Variants in RAB2A observed in about 807,000 individuals in gnomAD.
RAB2A encodes ras-related protein Rab-2A.
Under a neutral mutation model 32.5 loss-of-function variants are expected in RAB2A, and 7 were observed. That is an observed-to-expected ratio of 0.22 (90% CI 0.12 to 0.40). The LOEUF (loss-of-function observed/expected upper bound fraction) is 0.40, where lower values mean the gene tolerates loss of function less well. RAB2A is among the 10% of genes least tolerant of loss of function. The pLI is 1.00. For synonymous variants in RAB2A, 79 were observed against 85.2 expected (o/e 0.93, Z 0.40); for missense variants, 108 against 260.7 (o/e 0.41, Z 4.03).
intron 5 of RAB2A, among the ~76,000 whole-genome samples, chr8:60,589,624 G>A (rs549371310): frequency 7.2e-5 from 11 of 152,172 alleles, no homozygotes; most frequent in African/African-American, 2.4e-4. Context: ...AAACAAAAAG[G>A]GGCCATAAAT....
chr8:60,605,673 C>T (rs1226083589), intron 6 of RAB2A, among the ~76,000 whole-genome samples: 1 of 152,118 alleles, frequency 6.6e-6, no homozygotes, highest in East Asian at 1.9e-4. Context: ...TGATGACTGC[C>T]CTGCTGGGTT....
chr8:60,607,086 A>G (rs956977627), intron 6 of RAB2A, among the ~76,000 whole-genome samples: 7 of 146,862 alleles, frequency 4.8e-5, no homozygotes, highest in African/African-American at 1.7e-4. Context: ...AGAATGCCTC[A>G]TAAGACTTTT....
chr8:60,564,019 C>T, intron 2 of RAB2A, among the ~76,000 whole-genome samples: 1 of 152,208 alleles, frequency 6.6e-6, no homozygotes, highest in South Asian at 2.1e-4. Context: ...TAACTAGTCT[C>T]ATTTTAATTT....
chr8:60,568,781 G>A (rs1005629336), intron 2 of RAB2A, among the ~76,000 whole-genome samples: 9 of 152,140 alleles, frequency 5.9e-5, no homozygotes, highest in African/African-American at 2.2e-4. Flanking sequence ...TCTTGACTTT[G>A]ACTCCACAGA....
chr8:60,582,687 A>G (rs1803782088), intron 3 of RAB2A, among the ~76,000 whole-genome samples: 1 of 151,848 alleles, frequency 6.6e-6, no homozygotes, highest in Admixed American at 6.5e-5. Flanking sequence ...TAATTTTTAT[A>G]TTTTTGGTAG....
chr8:60,548,591 A>G (rs866342742), intron 1 of RAB2A, among the ~76,000 whole-genome samples: 235 of 99,268 alleles, frequency 2.4e-3, no homozygotes, highest in South Asian at 3.6e-3. Context: ...AGGGGCGGCC[A>G]GGCAGAGGCG....
At chr8:60,554,187 A>G (rs1807900136) in intron 1 of RAB2A, among the ~76,000 whole-genome samples, 1 of 152,198 alleles carries the variant, frequency 6.6e-6, no homozygotes. Context: ...GTGGTTTACA[A>G]AATAGGTTAG....
intron 2 of RAB2A, among the ~76,000 whole-genome samples, chr8:60,565,865 C>T (rs1362460433): frequency 1.3e-5 from 2 of 151,878 alleles, no homozygotes; most frequent in African/African-American, 2.4e-5. Context: ...CACGTGCCAC[C>T]ACACCCGGAT....
intron 6 of RAB2A, among the ~76,000 whole-genome samples, chr8:60,598,937 C>CAAAAAAA (rs56406651): frequency 0.019 from 774 of 40,464 alleles, 69 homozygotes; most frequent in Non-Finnish European, 0.024. Context: ...TGCAGTAAAG[C>CAAAAAAA]AAAAAAAAAA....
chr8:60,599,060 C>CA (rs1035575404), intron 6 of RAB2A, among the ~76,000 whole-genome samples: 3 of 142,730 alleles, frequency 2.1e-5, no homozygotes, highest in Admixed American at 7.2e-5. Context: ...GGATTTGCAA[C>CA]AAAAAAAAGT....
At position 60,547,632 on chromosome 8, in the gene RAB2A, G is replaced by C. The variant is rs1484389238; in HGVS notation, c.47-11220G>C. On this transcript the variant is annotated intron_variant, in intron 1 of 7. Transcript: ENST00000262646. ...AGAGGCGCCCCTCACCTCCCGGACG[G>C]GGCGGCTGGCCAGGCGGGGGGCTGA... Among the ~76,000 whole-genome samples the C allele has an allele frequency of 4.1e-5, 5 of 123,184 alleles. No individual in the cohort carries two copies. In the Admixed American group the frequency reaches 4.1e-4, roughly 10 times the overall value. 80.8% of individuals were successfully genotyped at this position (123,184 alleles called of 152,430 possible). A position where few individuals can be genotyped will look rare whatever the true frequency, so the allele number is the denominator to read the frequency against.
chr8:60,521,100 C>G (rs1309163510), intron 1 of RAB2A, among the ~76,000 whole-genome samples: 1 of 152,228 alleles, frequency 6.6e-6, no homozygotes, highest in African/African-American at 2.4e-5. Flanking sequence ...CAAGCACAAG[C>G]CACAGCTCTC....
intron 5 of RAB2A, among the ~76,000 whole-genome samples, 187 bp downstream of exon 5, chr8:60,585,002 T>A (rs563388201): frequency 1.3e-5 from 2 of 152,298 alleles, no homozygotes; most frequent in East Asian, 3.9e-4. Context: ...AAATTATTAC[T>A]GTTATTATTA....
chr8:60,568,574 G>A (rs1463249346), intron 2 of RAB2A, among the ~76,000 whole-genome samples: 1 of 152,054 alleles, frequency 6.6e-6, no homozygotes, highest in African/African-American at 2.4e-5. Flanking sequence ...GACAAAGAAG[G>A]GGCTTAATAA....
At chr8:60,577,807 T>C (rs1429112695) in intron 3 of RAB2A, among the ~76,000 whole-genome samples, 1 of 144,282 alleles carries the variant, frequency 6.9e-6, no homozygotes, top group African/African-American at 2.6e-5. Context: ...TTTTTTTTTT[T>C]TTTTTTTTGG....
chr8:60,536,527 T>G (rs1222063854), intron 1 of RAB2A, among the ~76,000 whole-genome samples: 2 of 152,232 alleles, frequency 1.3e-5, no homozygotes, highest in Non-Finnish European at 2.9e-5. Context: ...TATTTGGAAT[T>G]TTTAGTTATG....
At chr8:60,586,795 G>C (rs374600799) in intron 5 of RAB2A, among the ~76,000 whole-genome samples, 55 of 152,114 alleles carry the variant, frequency 3.6e-4, no homozygotes, top group East Asian at 2.9e-3. Context: ...TAGGCATGCT[G>C]GCACACGCCT....
intron 5 of RAB2A, among the ~76,000 whole-genome samples, chr8:60,586,355 TC>T (rs530390742): frequency 4.8e-5 from 7 of 144,374 alleles, no homozygotes; most frequent in African/African-American, 1.8e-4. Context: ...TAAGAGCAAA[TC>T]AAAGTTAAGG....
chr8:60,547,223 C>A (rs1294598865), intron 1 of RAB2A, among the ~76,000 whole-genome samples: 4 of 152,110 alleles, frequency 2.6e-5, no homozygotes, highest in African/African-American at 4.8e-5. Flanking sequence ...GTAAGGTCAC[C>A]GATCAACAGG....
Sources: gnomAD v4.1 joint callset for allele counts (sites outside exome capture counted in the v4.1 genomes callset) on GRCh38, gnomAD v4.1.1 for gene constraint, MANE v1.5 for transcripts, NCBI Gene and HGNC (gene_info 2026-07-23, HGNC 2026-07-21) for gene names.